Variants in NR1D2 observed in about 807,000 individuals in gnomAD.
NR1D2 encodes the protein nuclear receptor subfamily 1 group D member 2.
A neutral mutation model predicts 52.2 loss-of-function variants in NR1D2; 25 were observed. The ratio of observed to expected loss-of-function variants is 0.48; its 90% CI spans 0.35 to 0.67. The LOEUF is 0.67. Among genes scored for constraint, NR1D2 ranks in the 30% least tolerant of loss-of-function variants. NR1D2 has a pLI of 0.01. For missense variants in NR1D2, 681 were observed against 707.2 expected (o/e 0.96, Z 0.42); for synonymous variants, 259 against 230.1 (o/e 1.13, Z -1.14).
rs1256894607 is a variant in NR1D2, at chr3:23,979,085, G to T, written c.*1666G>T. 6.6e-6 allele frequency: 1 copy of T among 152,050 alleles called. No individual in the cohort carries two copies. Among genetic ancestry groups the T allele is most frequent in the South Asian group, 2.1e-4 (1 of 4,830 alleles). The allele number at this position is 152,050 out of a possible 1,614,324, so 9.4% of individuals were successfully genotyped here. A position where few individuals can be genotyped will look rare whatever the true frequency, so the allele number is the denominator to read the frequency against. ...GTACTAAGCCTGTTACTTTCATGAC[G>T]TGTGAGCAGAATGCCTTATTTTGTA... On this transcript the variant is annotated 3_prime_UTR_variant, in exon 8 of 8. Transcript: ENST00000312521.
At chr3:23,946,334 C>G in intron 1 of NR1D2, 1 of 978,894 alleles carries the variant, frequency 1.0e-6, no homozygotes, top group South Asian at 4.7e-5. Context: ...TTGCAGATTC[C>G]GAGGAGGAAG....
intron 1 of NR1D2, 137 bp downstream of exon 1, chr3:23,945,731 C>T (rs899382549): frequency 2.0e-5 from 12 of 595,330 alleles, no homozygotes; most frequent in African/African-American, 6.0e-5. Context: ...GCGTGTCCGC[C>T]TCTGGCTCGG....
chr3:23,976,173 T>G (rs941288828), intron 7 of NR1D2, among the ~76,000 whole-genome samples: 2 of 152,246 alleles, frequency 1.3e-5, no homozygotes, highest in Non-Finnish European at 2.9e-5. Context: ...TATAAACATA[T>G]TGTATGACAA....
chr3:23,968,404 T>G (rs1329508131), intron 7 of NR1D2, among the ~76,000 whole-genome samples: 1 of 152,246 alleles, frequency 6.6e-6, no homozygotes, highest in Non-Finnish European at 1.5e-5. Context: ...CTTGAAAACA[T>G]TAAAAGTATC....
intron 4 of NR1D2, chr3:23,960,062 C>G: frequency 3.3e-6 from 1 of 300,952 alleles, no homozygotes; most frequent in East Asian, 6.1e-5. Flanking sequence ...CATTTTTTTT[C>G]TGTGCAATTT....
chr3:23,965,399 C>T (rs977326410), intron 6 of NR1D2, among the ~76,000 whole-genome samples: 21 of 150,110 alleles, frequency 1.4e-4, no homozygotes, highest in Admixed American at 9.9e-4. Flanking sequence ...CTACCACGCC[C>T]GGCTAATTTT....
At chr3:23,948,163 T>G (rs1705819302) in intron 1 of NR1D2, among the ~76,000 whole-genome samples, 1 of 152,096 alleles carries the variant, frequency 6.6e-6, no homozygotes, top group African/African-American at 2.4e-5. Flanking sequence ...TTGTAAACAT[T>G]GACCAAGGTG....
chr3:23,961,167 C>G (rs1332518584), intron 4 of NR1D2, among the ~76,000 whole-genome samples: 1 of 151,554 alleles, frequency 6.6e-6, no homozygotes, highest in Non-Finnish European at 1.5e-5. Flanking sequence ...ATAGTTAGAT[C>G]TTGAGAGCAA....
At chr3:23,961,389 CT>C (rs869108010) in intron 4 of NR1D2, among the ~76,000 whole-genome samples, 14,327 of 76,034 alleles carry the variant, frequency 0.19, 772 homozygotes, top group Non-Finnish European at 0.2. Flanking sequence ...CTTTTTCTTT[CT>C]TTTTTTTTTT....
intron 1 of NR1D2, among the ~76,000 whole-genome samples, chr3:23,947,027 T>A (rs1170471588): frequency 6.6e-6 from 1 of 152,246 alleles, no homozygotes; most frequent in Non-Finnish European, 1.5e-5. Flanking sequence ...AGAATTTACT[T>A]ATTTTTTTTA....
Position 23,959,717 on chromosome 3 carries a change from G to T in NR1D2, c.419G>T (p.Cys140Phe). ...CAACAAAACATCCAGTACAAGAAGT[G>T]CCTGAAGAATGAAAACTGTTCTATA... ...SIQQNIQYKK[C>F]LKNENCSIMR... is the part of the protein sequence containing the mutation. The change falls in exon 4 of 8, where the codon TGC (cysteine) becomes TTC (phenylalanine). Residue 140 changes from cysteine (C) to phenylalanine (F), a missense_variant. This residue lies in a region of NR1D2 where 112 missense variants were observed against 162.3 expected (regional missense o/e 0.69). Transcript: ENST00000312521. 6.2e-7 allele frequency: 1 copy of T among 1,613,886 alleles called. No individual in the cohort carries two copies. The highest frequency in any genetic ancestry group is 8.5e-7 in the Non-Finnish European group (1 of 1,179,898).
intron 1 of NR1D2, 74 bp downstream of exon 1, chr3:23,945,668 G>C: frequency 1.0e-6 from 1 of 1,000,032 alleles, no homozygotes; most frequent in East Asian, 4.1e-5. Flanking sequence ...TTTGGGGGGC[G>C]GCGGCAGGGG....
At chr3:23,965,437 G>A (rs1706417035) in intron 6 of NR1D2, among the ~76,000 whole-genome samples, 1 of 149,734 alleles carries the variant, frequency 6.7e-6, no homozygotes, top group African/African-American at 2.5e-5. Context: ...TGTAGAAACA[G>A]GGTTTTGCCT....
chr3:23,965,684 A>AT (rs1456437391), intron 6 of NR1D2, among the ~76,000 whole-genome samples: 4 of 150,486 alleles, frequency 2.7e-5, no homozygotes, highest in African/African-American at 1.0e-4. Flanking sequence ...TTTTATATAT[A>AT]TTTTTTACTT....
chr3:23,963,917 G>C (rs1006059718), intron 5 of NR1D2, among the ~76,000 whole-genome samples: 20 of 83,548 alleles, frequency 2.4e-4, no homozygotes, highest in African/African-American at 9.2e-4. Context: ...CATCTTTTTG[G>C]TGTTTTTTTT....
chr3:23,954,298 A>G (rs1706024987), intron 1 of NR1D2, among the ~76,000 whole-genome samples: 1 of 152,238 alleles, frequency 6.6e-6, no homozygotes, highest in African/African-American at 2.4e-5. Flanking sequence ...GGCATGAGCC[A>G]GTGTGCCGGG....
At chr3:23,959,498 C>G (rs1706180485) in intron 3 of NR1D2, among the ~76,000 whole-genome samples, 173 bp from the exon 4 acceptor site, 2 of 152,002 alleles carry the variant, frequency 1.3e-5, no homozygotes, top group Non-Finnish European at 2.9e-5. Context: ...AAATTAAATT[C>G]TGTGTGTCAA....
intron 7 of NR1D2, among the ~76,000 whole-genome samples, chr3:23,971,478 G>A (rs984062446): frequency 2.0e-5 from 3 of 149,642 alleles, no homozygotes; most frequent in Non-Finnish European, 3.0e-5. Context: ...CGTGTTGGCC[G>A]GGCTGGTCTT....
chr3:23,964,367 G>T (rs1706384158), intron 5 of NR1D2, among the ~76,000 whole-genome samples: 1 of 152,188 alleles, frequency 6.6e-6, no homozygotes, highest in African/African-American at 2.4e-5. Flanking sequence ...GTGAGCCACT[G>T]CGCCCGGCCA....
Sources: gnomAD v4.1 joint callset for allele counts (sites outside exome capture counted in the v4.1 genomes callset) on GRCh38, gnomAD v4.1.1 for gene constraint, gnomAD v4.1.1 regional missense constraint, MANE v1.5 for transcripts, NCBI Gene and HGNC (gene_info 2026-07-23, HGNC 2026-07-21) for gene names.